CCDC7: variants seen among roughly 807,000 people sequenced by gnomAD.
CCDC7 encodes coiled-coil domain containing 7, also known as coiled-coil domain-containing protein 7.
Under a neutral mutation model 196.9 loss-of-function variants are expected in CCDC7, and 183 were observed. That is an observed-to-expected ratio of 0.93 (90% confidence interval 0.82 to 1.05). The LOEUF (loss-of-function observed/expected upper bound fraction) is 1.05. Among genes scored for constraint, CCDC7 ranks in the 50% least tolerant of loss-of-function variants. The probability of loss-of-function intolerance (pLI) is 0.00; values close to 1 mark genes in which losing one functional copy is unlikely to be tolerated. For missense variants in CCDC7, 1,540 were observed against 1,482.2 expected (o/e 1.04, Z -0.64); for synonymous variants, 525 against 484.6 (o/e 1.08, Z -1.10).
chr10:32,726,451 C>A (rs1243980020), intron 25 of CCDC7, among the ~76,000 whole-genome samples: 2 of 151,842 alleles, frequency 1.3e-5, no homozygotes, highest in Admixed American at 6.6e-5. Flanking sequence ...TGTGTATTAA[C>A]CTACAGTGTA....
At position 32,661,169 on chromosome 10, in the gene CCDC7, A is replaced by G. The variant is rs371973711; in HGVS notation, c.2015-2885A>G. The stretch of plus-strand genomic sequence containing the variant: ...ATCAAAAAGTGGGCGAAGGACATGA[A>G]CAGACACTTCTCAAAAGAAGACATT... On this transcript the variant is annotated intron_variant, in intron 20 of 41. Transcript: ENST00000639629. Among the ~76,000 whole-genome samples, 5 of 150,660 alleles carry G rather than the reference A, an allele frequency of 3.3e-5. No individual in the cohort carries two copies. The East Asian group carries it at 7.9e-4, about 24-fold the overall frequency.
intron 13 of CCDC7, among the ~76,000 whole-genome samples, chr10:32,563,995 T>A (rs2056299401): frequency 6.6e-6 from 1 of 152,154 alleles, no homozygotes; most frequent in Non-Finnish European, 1.5e-5. Flanking sequence ...GCCAAGGACA[T>A]GAGCAGACAC....
intron 41 of CCDC7, among the ~76,000 whole-genome samples, chr10:32,869,868 C>T (rs2136753747): frequency 6.7e-6 from 1 of 149,032 alleles, no homozygotes; most frequent in South Asian, 2.2e-4. Flanking sequence ...TTCCCCATTT[C>T]TTGTTTTTGT....
chr10:32,673,261 T>G (rs2074360343), intron 21 of CCDC7, among the ~76,000 whole-genome samples: 1 of 152,144 alleles, frequency 6.6e-6, no homozygotes, highest in African/African-American at 2.4e-5. Flanking sequence ...TCCAGATTGC[T>G]TTGACTATTT....
chr10:32,514,853 C>G (rs2046779663), intron 9 of CCDC7, among the ~76,000 whole-genome samples: 2 of 152,144 alleles, frequency 1.3e-5, no homozygotes, highest in South Asian at 4.1e-4. Context: ...GAAACAGGGT[C>G]TCACTCTGTC....
intron 21 of CCDC7, among the ~76,000 whole-genome samples, chr10:32,682,353 A>T (rs994565956): frequency 6.6e-6 from 1 of 152,164 alleles, no homozygotes; most frequent in Non-Finnish European, 1.5e-5. Flanking sequence ...CAAAGGATAC[A>T]ATTTATGGTG....
intron 16 of CCDC7, among the ~76,000 whole-genome samples, chr10:32,581,176 A>C (rs2058698881): frequency 6.6e-6 from 1 of 152,150 alleles, no homozygotes; most frequent in Non-Finnish European, 1.5e-5. Flanking sequence ...AAGCTGCTAA[A>C]ATACATGCTC....
intron 18 of CCDC7, among the ~76,000 whole-genome samples, chr10:32,629,109 A>G (rs1759665): frequency 0.99 from 150,418 of 152,218 alleles, 74,344 homozygotes; most frequent in Middle Eastern, 1. Context: ...AAAGTTCTCC[A>G]CTATTATTGT....
At chr10:32,493,311 C>G (rs1237770835) in intron 9 of CCDC7, among the ~76,000 whole-genome samples, 3 of 151,602 alleles carry the variant, frequency 2.0e-5, no homozygotes, top group African/African-American at 4.8e-5. Context: ...TCAGTTTCAT[C>G]CATGTTGTTG....
intron 20 of CCDC7, among the ~76,000 whole-genome samples, chr10:32,656,771 C>G (rs1366122444): frequency 1.3e-5 from 2 of 152,144 alleles, no homozygotes; most frequent in Non-Finnish European, 2.9e-5. Flanking sequence ...TCATGCCCTT[C>G]CAACAGTCCC....
At chr10:32,836,461 G>T (rs1179354583) in intron 33 of CCDC7, among the ~76,000 whole-genome samples, 3 of 152,092 alleles carry the variant, frequency 2.0e-5, no homozygotes. Context: ...TCACCACACT[G>T]ACTTCCACAA....
chr10:32,684,632 T>G (rs2076253555), intron 21 of CCDC7, among the ~76,000 whole-genome samples: 1 of 152,240 alleles, frequency 6.6e-6, no homozygotes, highest in Non-Finnish European at 1.5e-5. Flanking sequence ...TATAAATTTG[T>G]AAGTTTACTT....
chr10:32,597,042 TC>T (rs1213098608), intron 18 of CCDC7, among the ~76,000 whole-genome samples: 3 of 152,316 alleles, frequency 2.0e-5, no homozygotes, highest in Non-Finnish European at 4.4e-5. Context: ...TGTGGCGTTC[TC>T]TGTATTTCCC....
chr10:32,795,659 T>C (rs1171598523), intron 29 of CCDC7, among the ~76,000 whole-genome samples: 1 of 152,184 alleles, frequency 6.6e-6, no homozygotes, highest in East Asian at 1.9e-4. Flanking sequence ...AAGGATTAAT[T>C]ATTTATTTGT....
intron 8 of CCDC7, among the ~76,000 whole-genome samples, chr10:32,484,533 G>A (rs1392377607): frequency 6.6e-6 from 1 of 152,088 alleles, no homozygotes; most frequent in Admixed American, 6.5e-5. Context: ...CCAATACTAT[G>A]TTGAATAGGA....
chr10:32,830,143 C>CATATATA (rs2091996967), intron 32 of CCDC7, among the ~76,000 whole-genome samples: 10 of 22,372 alleles, frequency 4.5e-4, no homozygotes, highest in East Asian at 1.4e-3. Context: ...TATATATATC[C>CATATATA]TATTAGTTCT....
chr10:32,826,876 A>G (rs1256721866), intron 32 of CCDC7, among the ~76,000 whole-genome samples: 1 of 152,196 alleles, frequency 6.6e-6, no homozygotes, highest in Admixed American at 6.5e-5. Context: ...AAATGGCCAG[A>G]TGTGTGATTA....
At position 32,506,418 on chromosome 10, in the gene CCDC7, C is replaced by T. The variant is rs533030177; in HGVS notation, c.873-11527C>T. ...CCTCACATCCCAGACGATGGGCAGCCAGGCAGAGACGCTGCTCACTTCCTA... is the reference window on the plus strand; with the variant it reads ...CCTCACATCCCAGACGATGGGCAGCTAGGCAGAGACGCTGCTCACTTCCTA... On this transcript the variant is annotated intron_variant, in intron 9 of 41. Transcript: ENST00000639629. 1.3e-3 allele frequency among the ~76,000 whole-genome samples: 198 copies of T among 152,288 alleles called. 1 individual carries two copies. The highest frequency in any genetic ancestry group is 4.5e-3 in the African/African-American group (187 of 41,558).
At chr10:32,678,880 G>C (rs772438140) in intron 21 of CCDC7, among the ~76,000 whole-genome samples, 35 of 152,024 alleles carry the variant, frequency 2.3e-4, no homozygotes, top group Non-Finnish European at 4.1e-4. Context: ...GAATTCCAGA[G>C]GTCTCATAAA....
Sources: allele counts gnomAD v4.1 joint callset (sites outside exome capture counted in the v4.1 genomes callset), GRCh38; gene constraint gnomAD v4.1.1; transcripts MANE v1.5; gene names NCBI Gene and HGNC (gene_info 2026-07-23, HGNC 2026-07-21).